STON2: variants seen among roughly 807,000 people sequenced by gnomAD.
STON2 encodes the protein stonin 2.
In STON2, 29 loss-of-function variants were observed where a neutral mutation model predicts 65.7. The ratio of observed to expected loss-of-function variants is 0.44; its 90% CI spans 0.33 to 0.60. STON2 has a LOEUF of 0.60. STON2 is among the 20% of genes least tolerant of loss of function. The pLI, the probability that STON2 is intolerant of heterozygous loss-of-function variation, is 0.03. For synonymous variants in STON2, 404 were observed against 414.2 expected, an observed-to-expected ratio of 0.98 and a Z score of 0.30; for missense variants, 1,054 against 1,118.1, an observed-to-expected ratio of 0.94 and a Z score of 0.82.
rs1050288420 is a variant in STON2 at position 81,338,963 on chromosome 14, C to A, written c.572-14776G>T. Among the ~76,000 whole-genome samples the A allele has an allele frequency of 5.9e-5, 9 of 152,210 alleles. No individual in the cohort carries two copies. The East Asian group carries it at 9.7e-4, about 16-fold the overall frequency. On this transcript the variant is annotated intron_variant, in intron 4 of 7. Transcript: ENST00000614646. ...AGCATTTGGTTCCACAGCAAAGAAACGCCATAAACCAAGACCCAAAGGAGT... is the reference window on the plus strand; with the variant it reads ...AGCATTTGGTTCCACAGCAAAGAAAAGCCATAAACCAAGACCCAAAGGAGT...
intron 2 of STON2, among the ~76,000 whole-genome samples, chr14:81,415,250 G>A (rs1244592447): frequency 2.6e-5 from 4 of 151,334 alleles, no homozygotes; most frequent in Non-Finnish European, 5.9e-5. Flanking sequence ...TATGAGGTAG[G>A]TACTATTATT....
intron 3 of STON2, among the ~76,000 whole-genome samples, chr14:81,374,380 T>C (rs531655330): frequency 1.2e-4 from 18 of 152,038 alleles, no homozygotes; most frequent in African/African-American, 4.3e-4. Context: ...TGTTCCTAAG[T>C]TGATGTGCAC....
intron 5 of STON2, among the ~76,000 whole-genome samples, chr14:81,279,858 C>T (rs1895036758): frequency 6.6e-6 from 1 of 152,144 alleles, no homozygotes; most frequent in Non-Finnish European, 1.5e-5. Flanking sequence ...GATCTTAACA[C>T]ATGTTAATAA....
chr14:81,416,659 T>C (rs1490317956), intron 2 of STON2, among the ~76,000 whole-genome samples: 1 of 152,202 alleles, frequency 6.6e-6, no homozygotes, highest in African/African-American at 2.4e-5. Flanking sequence ...GCTGCTATAA[T>C]CGTCAGCCAA....
chr14:81,264,653 A>G lies in STON2; in HGVS notation c.*3761T>C, dbSNP rs1371305095. 1 of 984,896 alleles carries G rather than the reference A, an allele frequency of 1.0e-6. No homozygotes were observed. Among genetic ancestry groups the G allele is most frequent in the Non-Finnish European group, 1.2e-6 (1 of 829,528 alleles). 61.0% of individuals were successfully genotyped at this position (984,896 alleles called of 1,614,324 possible). On this transcript the variant is annotated 3_prime_UTR_variant, in exon 8 of 8. Coordinates refer to ENST00000614646, the MANE Select transcript of STON2 (RefSeq NM_001394390.1). ...TTTGAATAGAAATCAGTCTCATTTC[A>G]AATAAAAAATATTTTAAATCAAACA...
intron 3 of STON2, among the ~76,000 whole-genome samples, chr14:81,385,589 A>AAAATGTTGTTTTTTT (rs1899760521): frequency 6.6e-6 from 1 of 152,176 alleles, no homozygotes; most frequent in African/African-American, 2.4e-5. Flanking sequence ...TCTTGTTTAA[A>AAAATGTTGTTTTTTT]AAACAACAAG....
At chr14:81,314,846 G>GT (rs1013402149) in intron 5 of STON2, among the ~76,000 whole-genome samples, 24 of 151,184 alleles carry the variant, frequency 1.6e-4, no homozygotes, top group Admixed American at 4.6e-4. Context: ...ATACCTCTTT[G>GT]TTTTTTTTTG....
At chr14:81,303,084 G>T (rs1268054141) in intron 5 of STON2, among the ~76,000 whole-genome samples, 1 of 150,340 alleles carries the variant, frequency 6.7e-6, no homozygotes, top group African/African-American at 2.5e-5. Context: ...GTGTGTGTGT[G>T]TAAAAGAGAT....
chr14:81,434,360 G>A (rs953431071), intron 1 of STON2, among the ~76,000 whole-genome samples: 1 of 152,148 alleles, frequency 6.6e-6, no homozygotes, highest in Admixed American at 6.6e-5. Context: ...CCAGCAGCAA[G>A]CGTTCAGATC....
chr14:81,336,612 G>A lies in STON2; in HGVS notation c.572-12425C>T, dbSNP rs548569728. Reference sequence around the variant, plus strand: ...ATGTGGAATGATGGCAGCTCAACAGGACATGAAAGTCACCATGGGGAAAGG... The same window carrying A: ...ATGTGGAATGATGGCAGCTCAACAGAACATGAAAGTCACCATGGGGAAAGG... On this transcript the variant is annotated intron_variant, in intron 4 of 7. Coordinates refer to ENST00000614646, the MANE Select transcript of STON2 (RefSeq NM_001394390.1). 3.1e-4 allele frequency among the ~76,000 whole-genome samples: 47 copies of A among 152,042 alleles called. No homozygotes were observed. In the South Asian group the frequency reaches 4.2e-3, roughly 13 times the overall value.
Position 81,412,876 on chromosome 14 carries a change from G to A in STON2, c.-199+14226C>T, listed in dbSNP as rs965323691. On this transcript the variant is annotated intron_variant, in intron 2 of 8. Transcript: ENST00000553821. The stretch of plus-strand genomic sequence containing the variant: ...AAAGCTTTCTTCTTAGAGGCGCCAC[G>A]GCTTCCATAGCGATGGCAGCTCCAG... The A allele has an allele frequency of 1.5e-5, 8 of 543,672 alleles. 1 individual carries two copies. The highest frequency in any genetic ancestry group is 9.3e-5 in the African/African-American group (4 of 43,100). The allele number at this position is 543,672 out of a possible 1,614,324, so 33.7% of individuals were successfully genotyped here. A position where few individuals can be genotyped will look rare whatever the true frequency, so the allele number is the denominator to read the frequency against.
chr14:81,347,421 G>T (rs1897849349), intron 4 of STON2, among the ~76,000 whole-genome samples: 1 of 151,908 alleles, frequency 6.6e-6, no homozygotes, highest in South Asian at 2.1e-4. Context: ...TAATGAAATT[G>T]AATCAGCAAC....
At chr14:81,407,681 G>A (rs1178729635) in intron 2 of STON2, among the ~76,000 whole-genome samples, 1 of 152,144 alleles carries the variant, frequency 6.6e-6, no homozygotes, top group East Asian at 1.9e-4. Flanking sequence ...TAAGGCCTCA[G>A]TTTTCTCTTG....
At chr14:81,291,928 G>GT (rs1340788733) in intron 5 of STON2, among the ~76,000 whole-genome samples, 1 of 151,148 alleles carries the variant, frequency 6.6e-6, no homozygotes, top group Non-Finnish European at 1.5e-5. Context: ...CCTATCCTTT[G>GT]TAAGAGTAGG....
At chr14:81,429,019 G>A (rs1902116160) in intron 1 of STON2, among the ~76,000 whole-genome samples, 1 of 152,228 alleles carries the variant, frequency 6.6e-6, no homozygotes. Flanking sequence ...TGGACACACA[G>A]CACTAAAATG....
rs1901223477 is a variant in STON2 at position 81,412,752 on chromosome 14, A to AT, written c.-198-14173dup. 1.4e-5 allele frequency among the ~76,000 whole-genome samples: 2 copies of AT among 140,108 alleles called. 1 individual carries two copies. The highest frequency in any genetic ancestry group is 5.9e-5 in the African/African-American group (2 of 34,180). 91.9% of individuals were successfully genotyped at this position (140,108 alleles called of 152,430 possible). A position where few individuals can be genotyped will look rare whatever the true frequency, so the allele number is the denominator to read the frequency against. ...CATTTTATAGTTGTAATTTAACAGA[A>AT]TTTTTTAAATTAAAAAAAAATGACC... On this transcript the variant is annotated intron_variant, in intron 2 of 8. Transcript: ENST00000553821.
chr14:81,297,850 C>G (rs1312119573), intron 5 of STON2, among the ~76,000 whole-genome samples: 1 of 152,132 alleles, frequency 6.6e-6, no homozygotes, highest in African/African-American at 2.4e-5. Flanking sequence ...ACCAGCCTGA[C>G]CAACATGGAG....
chr14:81,372,550 CAAA>C (rs202208931), intron 3 of STON2, among the ~76,000 whole-genome samples: 4 of 95,870 alleles, frequency 4.2e-5, no homozygotes, highest in African/African-American at 3.6e-5. Context: ...AACCCTATCT[CAAA>C]AAAAAAAAAA....
intron 1 of STON2, among the ~76,000 whole-genome samples, chr14:81,428,904 C>T (rs985367240): frequency 6.6e-6 from 1 of 152,200 alleles, no homozygotes; most frequent in African/African-American, 2.4e-5. Context: ...TGTCTAACTT[C>T]AAAGTTCAGG....
Sources: allele counts gnomAD v4.1 joint callset (sites outside exome capture counted in the v4.1 genomes callset), GRCh38; gene constraint gnomAD v4.1.1; transcripts MANE v1.5; gene names NCBI Gene and HGNC (gene_info 2026-07-23, HGNC 2026-07-21).